The following BCL2L14 variants were observed in gnomAD, a reference collection of about 807,000 sequenced individuals.
BCL2L14 encodes apoptosis facilitator Bcl-2-like protein 14.
Under a neutral mutation model 35.3 loss-of-function variants are expected in BCL2L14, and 27 were observed. The observed-to-expected ratio is 0.76, with a 90% CI of 0.56 to 1.05. The LOEUF (loss-of-function observed/expected upper bound fraction) is 1.05. BCL2L14 is among the 50% of genes least tolerant of loss of function. The probability of loss-of-function intolerance (pLI) is 0.00; values close to 1 mark genes in which losing one functional copy is unlikely to be tolerated. For missense variants in BCL2L14, 377 were observed against 382.6 expected, an observed-to-expected ratio of 0.99 and a Z score of 0.12; for synonymous variants, 139 against 145.9, an observed-to-expected ratio of 0.95 and a Z score of 0.34.
At chr12:12,079,864 C>A in intron 2 of BCL2L14, 126 bp downstream of exon 2, 2 of 963,718 alleles carry the variant, frequency 2.1e-6, no homozygotes, top group Non-Finnish European at 3.1e-6. Context: ...CTCAGCTTTC[C>A]AACTTATTAG....
At chr12:12,069,038 G>A (rs1296883949), upstream of BCL2L14, among the ~76,000 whole-genome samples, 1 of 152,218 alleles carries the variant, frequency 6.6e-6, no homozygotes, top group Non-Finnish European at 1.5e-5. Flanking sequence ...CTGACATGGG[G>A]CTGGTAGGAG....
At chr12:12,080,483 G>T (rs1948893743) in intron 2 of BCL2L14, among the ~76,000 whole-genome samples, 1 of 152,016 alleles carries the variant, frequency 6.6e-6, no homozygotes, top group African/African-American at 2.4e-5. Context: ...AGCCGGGCAT[G>T]GTGGCGCATG....
intron 2 of BCL2L14, among the ~76,000 whole-genome samples, chr12:12,084,262 G>GCTC (rs1948991114): frequency 6.6e-6 from 1 of 152,152 alleles, no homozygotes; most frequent in Non-Finnish European, 1.5e-5. Flanking sequence ...CCCAGCCTTA[G>GCTC]CTCCCTTTTC....
chr12:12,092,197 G>A (rs991951803), intron 4 of BCL2L14, among the ~76,000 whole-genome samples: 1 of 152,200 alleles, frequency 6.6e-6, no homozygotes, highest in African/African-American at 2.4e-5. Context: ...AAGGCGGAGT[G>A]GGGGTGCTGG....
chr12:12,067,421 C>T (rs1370722423), upstream of BCL2L14, among the ~76,000 whole-genome samples: 1 of 151,968 alleles, frequency 6.6e-6, no homozygotes, highest in African/African-American at 2.4e-5. Flanking sequence ...CGTGGTGGCA[C>T]ATGCCTGTAA....
chr12:12,050,911 TG>T (rs1662450361), intron 1 of BCL2L14, among the ~76,000 whole-genome samples: 2 of 152,098 alleles, frequency 1.3e-5, no homozygotes, highest in South Asian at 4.1e-4. Context: ...AAAGCCATCC[TG>T]GGCCTCATGC....
Position 12,056,969 on chromosome 12 carries a change from G to A in BCL2L14, c.-272+5122G>A, listed in dbSNP as rs1480239056. The stretch of plus-strand genomic sequence containing the variant: ...AGATAATTTAAGTGATTTAACCAAC[G>A]TTAAAGATTATTTCTTAAGGGGAAA... On this transcript the variant is annotated intron_variant, in intron 2 of 3. Coordinates refer to the BCL2L14 transcript ENST00000461264. 6.6e-5 allele frequency among the ~76,000 whole-genome samples: 10 copies of A among 152,228 alleles called. No individual in the cohort carries two copies. The East Asian group carries it at 9.7e-4, about 15-fold the overall frequency.
At chr12:12,066,232 G>T (rs896369682), upstream of BCL2L14, among the ~76,000 whole-genome samples, 5 of 152,122 alleles carry the variant, frequency 3.3e-5, no homozygotes, top group Non-Finnish European at 7.3e-5. Context: ...CCTCTGCTCC[G>T]TTTCCCAAAT....
At chr12:12,079,249 G>T (rs1184543687) in intron 1 of BCL2L14, 50 bp from the exon 2 acceptor site, 1 of 1,479,802 alleles carries the variant, frequency 6.8e-7, no homozygotes, top group Non-Finnish European at 9.3e-7. Flanking sequence ...AACCTGCAAA[G>T]GGTAAGTGGC....
At position 12,079,519 on chromosome 12, in the gene BCL2L14, T is replaced by C. The variant is rs140584428; in HGVS notation, c.214T>C (p.Trp72Arg). 202 of 1,614,104 alleles carry C rather than the reference T, an allele frequency of 1.3e-4. No individual in the cohort carries two copies. The highest frequency in any genetic ancestry group is 5.8e-4 in the South Asian group (53 of 91,084). ...AAATGAGTCATGGACAGAGGTGTCA[T>C]GGCCTTGCAGAAATTCCCAATCCAG... ...SANESWTEVS[W>R]PCRNSQSSEK... Residue 72 changes from tryptophan (W) to arginine (R), a missense_variant, in exon 2 of 6, where the codon TGG becomes CGG. By Grantham distance (101) the Trp-to-Arg change is moderately radical (BLOSUM62 -3). Transcript: ENST00000308721.
chr12:12,090,113 G>A (rs1469860035), intron 3 of BCL2L14, among the ~76,000 whole-genome samples: 1 of 152,128 alleles, frequency 6.6e-6, no homozygotes, highest in African/African-American at 2.4e-5. Flanking sequence ...AAAACCAGAA[G>A]AATATTCCCC....
intron 2 of BCL2L14, chr12:12,055,819 T>C (rs1380399419): frequency 6.6e-6 from 1 of 152,222 alleles, no homozygotes; most frequent in East Asian, 1.9e-4. Flanking sequence ...AGTGCTCTTA[T>C]TTCAGGCCTA....
chr12:12,084,642 G>A (rs1415216074), intron 2 of BCL2L14, among the ~76,000 whole-genome samples: 1 of 77,022 alleles, frequency 1.3e-5, no homozygotes, highest in Admixed American at 1.4e-4. Flanking sequence ...CTATCAGACA[G>A]GACCAAGTCT....
At chr12:12,066,658 C>T (rs551289948), upstream of BCL2L14, among the ~76,000 whole-genome samples, 184 of 152,226 alleles carry the variant, frequency 1.2e-3, 1 homozygote, top group African/African-American at 4.3e-3. Context: ...AAGCTCTACC[C>T]TGCAGCATTA....
intron 1 of BCL2L14, 40 bp from the exon 2 acceptor site, chr12:12,079,259 C>A (rs765970031): frequency 1.3e-6 from 2 of 1,540,856 alleles, no homozygotes; most frequent in South Asian, 1.2e-5. Context: ...GGGTAAGTGG[C>A]CCTGCATAGA....
At position 12,094,707 on chromosome 12, in the gene BCL2L14, T is replaced by C. The variant is rs759039939; in HGVS notation, c.722T>C (p.Leu241Pro). The change falls in exon 5 of 6, where the codon CTG becomes CCG. Residue 241 changes from leucine (L) to proline (P), a missense_variant. Coordinates refer to ENST00000308721, the MANE Select transcript of BCL2L14 (RefSeq NM_138723.2). Reference sequence around the variant, plus strand: ...TTGATGGGCCACTTCCAGGATGGGCTGTCCTACTCTGTTTTCAAGACCATC... The same window carrying C: ...TTGATGGGCCACTTCCAGGATGGGCCGTCCTACTCTGTTTTCAAGACCATC... ...KALMGHFQDG[L>P]SYSVFKTITD... 6.2e-7 allele frequency: 1 copy of C among 1,614,252 alleles called. No individual in the cohort carries two copies. Among genetic ancestry groups the C allele is most frequent in the East Asian group, 2.2e-5 (1 of 44,892 alleles).
At chr12:12,090,646 TA>T (rs76419621) in intron 3 of BCL2L14, 132 bp from the exon 4 acceptor site, 56,395 of 308,190 alleles carry the variant, frequency 0.18, 16 homozygotes, top group East Asian at 0.23. Context: ...AAATAAAAAA[TA>T]AAAAAAAAAA....
At chr12:12,065,535 C>CA (rs138173926) in intron 2 of BCL2L14, among the ~76,000 whole-genome samples, 6,725 of 126,688 alleles carry the variant, frequency 0.053, 167 homozygotes, top group Non-Finnish European at 0.063. Flanking sequence ...GACTCCATCT[C>CA]AAAAAAAAAA....
intron 3 of BCL2L14, among the ~76,000 whole-genome samples, chr12:12,089,043 A>G (rs1248635573): frequency 1.3e-5 from 2 of 152,216 alleles, no homozygotes; most frequent in African/African-American, 4.8e-5. Flanking sequence ...TGTTAACCCA[A>G]TATATCGAGA....
Sources: allele counts gnomAD v4.1 joint callset (sites outside exome capture counted in the v4.1 genomes callset), GRCh38; gene constraint gnomAD v4.1.1; transcripts MANE v1.5; gene names NCBI Gene and HGNC (gene_info 2026-07-23, HGNC 2026-07-21).